The following ZNF503 variants were observed in gnomAD, a reference collection of about 807,000 sequenced individuals.
ZNF503 encodes the protein zinc finger protein 503, also known as NocA-like zinc finger 2.
A neutral mutation model predicts 34.4 loss-of-function variants in ZNF503; 15 were observed. The observed-to-expected ratio is 0.44, with a 90% CI of 0.29 to 0.67. ZNF503 has a LOEUF of 0.67. Among genes scored for constraint, ZNF503 ranks in the 30% least tolerant of loss-of-function variants. The pLI is 0.13. For synonymous variants in ZNF503, 580 were observed against 456.8 expected (o/e 1.27, Z -3.44); for missense variants, 1,007 against 926.8 (o/e 1.09, Z -1.12).
At chr10:75,345,634 C>CAAA in the ZNF503 span, among the ~76,000 whole-genome samples, 1,109 of 72,200 alleles carry the variant, frequency 0.015, 30 homozygotes, top group African/African-American at 0.062. Flanking sequence ...GACTCTGTCT[C>CAAA]AAAAAAAAAA....
At chr10:75,386,047 C>G in the ZNF503 span, among the ~76,000 whole-genome samples, 2 of 152,220 alleles carry the variant, frequency 1.3e-5, no homozygotes, top group African/African-American at 4.8e-5. Flanking sequence ...TCCAGGTACC[C>G]AGGCTTGGGT....
At chr10:75,387,730 G>A in the ZNF503 span, among the ~76,000 whole-genome samples, 7 of 152,308 alleles carry the variant, frequency 4.6e-5, no homozygotes, top group South Asian at 1.5e-3. Flanking sequence ...AGGTGGAGGA[G>A]AGGGAGCAGG....
At position 75,399,150 on chromosome 10, in the gene ZNF503, G is replaced by T. The variant is rs778820784; in HGVS notation, c.1540C>A (p.His514Asn). 4 of 1,613,302 alleles carry T rather than the reference G, an allele frequency of 2.5e-6. No homozygotes were observed. The Admixed American group carries it at 5.0e-5, about 20-fold the overall frequency. Residue 514 changes from histidine (H) to asparagine (N), a missense_variant, in exon 2 of 2, where the codon CAC (histidine) becomes AAC (asparagine). Coordinates refer to ENST00000372524, the MANE Select transcript of ZNF503 (RefSeq NM_032772.6). ...GFMLPNDPLP[H>N]ICNWVSANGP... ...TTGGCCGACACCCAGTTGCAGATGTGGGGGAGTGGGTCGTTAGGGAGCATA... is the reference window on the plus strand; with the variant it reads ...TTGGCCGACACCCAGTTGCAGATGTTGGGGAGTGGGTCGTTAGGGAGCATA...
chr10:75,370,255 A>C, the ZNF503 span, among the ~76,000 whole-genome samples: 2 of 152,194 alleles, frequency 1.3e-5, no homozygotes, highest in Non-Finnish European at 2.9e-5. Context: ...TATGACAATG[A>C]AGAAGCCTAA....
chr10:75,329,531 C>T, the ZNF503 span, among the ~76,000 whole-genome samples: 1 of 151,610 alleles, frequency 6.6e-6, no homozygotes, highest in African/African-American at 2.4e-5. Flanking sequence ...GTGGCGTGCT[C>T]ATAGCTACCT....
the ZNF503 span, among the ~76,000 whole-genome samples, chr10:75,364,467 T>C: frequency 1.3e-5 from 2 of 152,188 alleles, no homozygotes; most frequent in East Asian, 1.9e-4. Context: ...AGGTGGTCAC[T>C]GTTCATGGCC....
the ZNF503 span, among the ~76,000 whole-genome samples, chr10:75,352,854 G>A: frequency 1.5e-4 from 23 of 152,230 alleles, no homozygotes; most frequent in Non-Finnish European, 2.2e-4. Flanking sequence ...GGACCAGGAG[G>A]GGCTGCCTGG....
the ZNF503 span, among the ~76,000 whole-genome samples, chr10:75,310,642 G>C: frequency 6.6e-6 from 1 of 152,178 alleles, no homozygotes; most frequent in African/African-American, 2.4e-5. Context: ...AAGGAGCAAG[G>C]ACTTTCATTT....
At chr10:75,321,717 T>C in the ZNF503 span, among the ~76,000 whole-genome samples, 1 of 152,214 alleles carries the variant, frequency 6.6e-6, no homozygotes, top group Non-Finnish European at 1.5e-5. Context: ...GGAAGAAATG[T>C]CTAAGCAGTA....
the ZNF503 span, among the ~76,000 whole-genome samples, chr10:75,379,626 T>C: frequency 1.8e-3 from 270 of 152,290 alleles, 1 homozygote; most frequent in Non-Finnish European, 3.1e-3. Context: ...CAGAATACAT[T>C]AGGCGGATCT....
the ZNF503 span, among the ~76,000 whole-genome samples, chr10:75,284,480 A>G: frequency 3.9e-5 from 6 of 152,078 alleles, no homozygotes; most frequent in Non-Finnish European, 7.4e-5. Flanking sequence ...GAAGGGAGCA[A>G]AGCAGAAATA....
chr10:75,382,208 C>CT, the ZNF503 span, among the ~76,000 whole-genome samples: 2 of 152,102 alleles, frequency 1.3e-5, no homozygotes, highest in Admixed American at 6.5e-5. Context: ...GGGAGTCATA[C>CT]TTTTTTTTCA....
the ZNF503 span, among the ~76,000 whole-genome samples, chr10:75,294,294 T>C: frequency 0.73 from 111,281 of 151,990 alleles, 41,812 homozygotes; most frequent in African/African-American, 0.87. Flanking sequence ...AGAAAGGGGC[T>C]GAGGCCAGGG....
At chr10:75,286,979 G>A in the ZNF503 span, among the ~76,000 whole-genome samples, 2 of 152,192 alleles carry the variant, frequency 1.3e-5, no homozygotes, top group African/African-American at 2.4e-5. Context: ...TGATCCTGGT[G>A]TCTCATGTGC....
chr10:75,362,034 A>C, the ZNF503 span, among the ~76,000 whole-genome samples: 1 of 152,228 alleles, frequency 6.6e-6, no homozygotes, highest in Non-Finnish European at 1.5e-5. Context: ...CCAAGGCTGC[A>C]GTGGCTGCAG....
chr10:75,397,396 C>T (rs184030771), downstream of ZNF503, among the ~76,000 whole-genome samples: 509 of 152,326 alleles, frequency 3.3e-3, 1 homozygote, highest in South Asian at 7.9e-3. Context: ...CTTGCCCCAG[C>T]GCGCTGCCCC....
the ZNF503 span, among the ~76,000 whole-genome samples, chr10:75,337,533 G>A: frequency 1.3e-5 from 2 of 151,438 alleles, no homozygotes; most frequent in African/African-American, 2.4e-5. Context: ...CAGGAGAATC[G>A]CTTGAACCCA....
chr10:75,333,213 C>T, the ZNF503 span, among the ~76,000 whole-genome samples: 2 of 116,164 alleles, frequency 1.7e-5, no homozygotes, highest in Non-Finnish European at 3.7e-5. Flanking sequence ...CCGGACGGGG[C>T]GGCTGGCCGG....
the ZNF503 span, among the ~76,000 whole-genome samples, chr10:75,297,846 A>G: frequency 5.3e-5 from 8 of 152,148 alleles, no homozygotes; most frequent in African/African-American, 1.4e-4. Context: ...AGTACCTCCT[A>G]TCCTCCTTTA....
Sources: allele counts gnomAD v4.1 joint callset (sites outside exome capture counted in the v4.1 genomes callset), GRCh38; gene constraint gnomAD v4.1.1; transcripts MANE v1.5; gene names NCBI Gene and HGNC (gene_info 2026-07-23, HGNC 2026-07-21).